The following WFDC1 variants were observed in gnomAD, a reference collection of about 807,000 sequenced individuals.
WFDC1 encodes WAP four-disulfide core domain 1.
In WFDC1, 39 loss-of-function variants were observed where a neutral mutation model predicts 32.9. The observed-to-expected ratio is 1.19, with a 90% CI of 0.92 to 1.55. The LOEUF (loss-of-function observed/expected upper bound fraction) is 1.55, where lower values mean the gene tolerates loss of function less well. Ranked by LOEUF, WFDC1 falls within the 40% of genes most tolerant of loss-of-function variation. The pLI is 0.00. For synonymous variants in WFDC1, 184 were observed against 137.4 expected (o/e 1.34, Z -2.37); for missense variants, 386 against 309.5 (o/e 1.25, Z -1.85).
At chr16:84,326,106 T>TATCC (rs57597843) in intron 5 of WFDC1, 1 of 147,238 alleles carries the variant, frequency 6.8e-6, no homozygotes, top group African/African-American at 2.6e-5. Flanking sequence ...CCCACCCATC[T>TATCC]ATCCATCCAT....
intron 2 of WFDC1, among the ~76,000 whole-genome samples, chr16:84,314,796 T>C (rs1300711734): frequency 6.6e-6 from 1 of 152,212 alleles, no homozygotes; most frequent in Admixed American, 6.5e-5. Flanking sequence ...CTGGGTGGAC[T>C]TATCAAAAAT....
chr16:84,323,191 G>A (rs1040757291), intron 4 of WFDC1, among the ~76,000 whole-genome samples: 10 of 152,306 alleles, frequency 6.6e-5, no homozygotes, highest in South Asian at 2.1e-4. Context: ...GGCCTGGAGC[G>A]GTTCCATGGA....
intron 2 of WFDC1, among the ~76,000 whole-genome samples, chr16:84,315,178 C>T (rs1416177922): frequency 6.6e-6 from 1 of 152,208 alleles, no homozygotes; most frequent in East Asian, 1.9e-4. Context: ...GGAATATCCT[C>T]CCCCAGACAT....
At chr16:84,324,606 G>A in intron 5 of WFDC1, 146 bp downstream of exon 5, 1 of 867,580 alleles carries the variant, frequency 1.2e-6, no homozygotes, top group Non-Finnish European at 1.8e-6. Context: ...TAGAAGACCT[G>A]TGGTCTGATG....
chr16:84,318,249 G>A, intron 2 of WFDC1, 23 bp from the exon 3 acceptor site: 1 of 1,613,678 alleles, frequency 6.2e-7, no homozygotes, highest in Non-Finnish European at 8.5e-7. Flanking sequence ...GGAGGGCCCT[G>A]ATCTGACCCC....
chr16:84,317,565 C>T (rs965172040), intron 2 of WFDC1: 1 of 152,064 alleles, frequency 6.6e-6, no homozygotes, highest in Non-Finnish European at 1.5e-5. Flanking sequence ...GTGTGGGTGA[C>T]TCTTTCTGTT....
intron 1 of WFDC1, among the ~76,000 whole-genome samples, chr16:84,298,806 A>G (rs1032544415): frequency 6.6e-6 from 1 of 152,174 alleles, no homozygotes. Flanking sequence ...GCCAGAGATG[A>G]GCACGCTTGC....
chr16:84,304,511 A>G (rs942880652), intron 1 of WFDC1, among the ~76,000 whole-genome samples: 3 of 151,964 alleles, frequency 2.0e-5, no homozygotes, highest in African/African-American at 7.3e-5. Flanking sequence ...TATAGGTGTG[A>G]GCCACCGCGC....
At chr16:84,320,795 C>G (rs758122421) in intron 4 of WFDC1, among the ~76,000 whole-genome samples, 51 of 152,154 alleles carry the variant, frequency 3.4e-4, no homozygotes, top group Non-Finnish European at 5.6e-4. Flanking sequence ...GACCCTCAGA[C>G]AAGATTGGTG....
At chr16:84,315,024 C>T (rs1338015653) in intron 2 of WFDC1, among the ~76,000 whole-genome samples, 1 of 152,216 alleles carries the variant, frequency 6.6e-6, no homozygotes, top group Non-Finnish European at 1.5e-5. Context: ...GAATCATTTG[C>T]CCAAGGTCAC....
At chr16:84,317,317 TAAATAAATAAATA>T (rs1189144290) in intron 2 of WFDC1, 1 of 138,966 alleles carries the variant, frequency 7.2e-6, no homozygotes, top group East Asian at 2.1e-4. Flanking sequence ...AATAAATAAA[TAAATAAATAAATA>T]AATAAATAAG....
At position 84,294,953 on chromosome 16, in the gene WFDC1, GT is replaced by G; in HGVS notation, c.-18del. 1 of 1,606,886 alleles carries G rather than the reference GT, an allele frequency of 6.2e-7. No individual in the cohort carries two copies. The highest frequency in any genetic ancestry group is 1.1e-5 in the South Asian group (1 of 89,730). On this transcript the variant is annotated 5_prime_UTR_variant, in exon 1 of 7. Coordinates refer to ENST00000219454, the MANE Select transcript of WFDC1 (RefSeq NM_021197.4). ...CCCCTCTTCTGTGTGCGTCTGGAAG[GT>G]CGCTGCCCAGGGAGGAAATGCCTTT... is the stretch of plus-strand genomic sequence containing the variant.
At chr16:84,300,664 GTTCC>G (rs1567650270) in intron 1 of WFDC1, among the ~76,000 whole-genome samples, 1 of 152,182 alleles carries the variant, frequency 6.6e-6, no homozygotes, top group African/African-American at 2.4e-5. Context: ...TATGAACCCC[GTTCC>G]TTATAAGAAA....
At position 84,325,201 on chromosome 16, in the gene WFDC1, T is replaced by G. The variant is rs1054314838; in HGVS notation, c.604+741T>G. On this transcript the variant is annotated intron_variant, in intron 5 of 6. Transcript: ENST00000219454. ...TTTCACTTATCCATCTATCCACCCA[T>G]CTACCTTTTTTTTTTTTTTGAGATG... 3.7e-5 allele frequency among the ~76,000 whole-genome samples: 4 copies of G among 107,678 alleles called. No homozygotes were observed. In the East Asian group the frequency reaches 1.2e-3, roughly 32 times the overall value. 70.6% of individuals were successfully genotyped at this position (107,678 alleles called of 152,430 possible).
In WFDC1 at chr16:84,318,367, G is replaced by T; in HGVS notation, c.421+12G>T. On this transcript the variant is annotated intron_variant, in intron 3 of 6. Transcript: ENST00000219454. ...GGAGGTGTTACAAGGTACCTGCCGG[G>T]TAAAGCCCAGACCCTACATCCAAGC... 6.2e-7 allele frequency: 1 copy of T among 1,613,412 alleles called. No individual in the cohort carries two copies. Among genetic ancestry groups the T allele is most frequent in the Non-Finnish European group, 8.5e-7 (1 of 1,179,448 alleles).
At chr16:84,318,030 C>G (rs1908060415) in intron 2 of WFDC1, 2 of 476,464 alleles carry the variant, frequency 4.2e-6, no homozygotes, top group African/African-American at 3.9e-5. Context: ...CACTGCTGCT[C>G]ACATCTTTGT....
At chr16:84,296,386 A>G (rs1906598475) in intron 1 of WFDC1, among the ~76,000 whole-genome samples, 1 of 152,192 alleles carries the variant, frequency 6.6e-6, no homozygotes, top group African/African-American at 2.4e-5. Flanking sequence ...GACGCCTGGT[A>G]CATTCTTGTG....
intron 1 of WFDC1, among the ~76,000 whole-genome samples, chr16:84,303,061 T>G (rs1362659074): frequency 1.3e-5 from 2 of 150,220 alleles, no homozygotes; most frequent in Non-Finnish European, 1.5e-5. Context: ...GGAAGTCCCA[T>G]TAACCTTGTG....
intron 6 of WFDC1, chr16:84,327,287 C>A: frequency 4.0e-6 from 1 of 247,676 alleles, no homozygotes; most frequent in South Asian, 7.0e-5. Context: ...GACTCCTAGG[C>A]TCAAGCCATC....
Sources: allele counts gnomAD v4.1 joint callset (sites outside exome capture counted in the v4.1 genomes callset), GRCh38; gene constraint gnomAD v4.1.1; transcripts MANE v1.5; gene names NCBI Gene and HGNC (gene_info 2026-07-23, HGNC 2026-07-21).